PKHD1: variants seen among roughly 807,000 people sequenced by gnomAD.
PKHD1 encodes PKHD1 ciliary IPT domain containing fibrocystin/polyductin, also known as fibrocystin.
Under a neutral mutation model 412.0 loss-of-function variants are expected in PKHD1, and 291 were observed. That is an observed-to-expected ratio of 0.71 (90% confidence interval 0.64 to 0.78). The LOEUF (loss-of-function observed/expected upper bound fraction) is 0.78. Ranked by LOEUF, PKHD1 falls within the 30% of genes least tolerant of loss-of-function variation. The pLI is 0.00. For synonymous variants in PKHD1, 1,777 were observed against 1,821.5 expected (o/e 0.98, Z 0.62); for missense variants, 4,825 against 4,950.7 (o/e 0.97, Z 0.76).
chr6:52,045,166 T>A, intron 24 of PKHD1, 78 bp from the exon 25 acceptor site: 1 of 1,399,486 alleles, frequency 7.1e-7, no homozygotes, highest in Non-Finnish European at 1.0e-6. Context: ...TAAAGAGTTT[T>A]TTCACATTGT....
At chr6:51,757,732 T>G (rs1428192473) in intron 55 of PKHD1, among the ~76,000 whole-genome samples, 4 of 152,028 alleles carry the variant, frequency 2.6e-5, no homozygotes, top group African/African-American at 9.7e-5. Flanking sequence ...CCAGGTACAG[T>G]GCCTCTTGCC....
chr6:51,740,511 A>G (rs2150943118), intron 60 of PKHD1, among the ~76,000 whole-genome samples: 1 of 152,352 alleles, frequency 6.6e-6, no homozygotes, highest in East Asian at 1.9e-4. Context: ...CATTTGGAAT[A>G]AATATAAAAT....
chr6:52,033,152 C>T lies in PKHD1; in HGVS notation c.3242G>A (p.Arg1081His), dbSNP rs201123815. ...TCTGATCACAGTCACATTCACAATG[C>T]GTCCATCTTTCCCCTGAAAAATCAA... ...CKVPPRGKDG[R>H]IVNVTVIRGD... is the part of the protein sequence containing the mutation. Residue 1081 changes from arginine to histidine, a missense_variant, in exon 29 of 67, where the codon CGC becomes CAC. Transcript: ENST00000371117. 1.6e-5 allele frequency: 25 copies of T among 1,612,172 alleles called. No individual in the cohort carries two copies. Among genetic ancestry groups the T allele is most frequent in the African/African-American group, 8.0e-5 (6 of 74,864 alleles).
At chr6:51,889,573 G>T (rs748940665) in intron 43 of PKHD1, among the ~76,000 whole-genome samples, 2 of 152,084 alleles carry the variant, frequency 1.3e-5, no homozygotes, top group African/African-American at 2.4e-5. Flanking sequence ...ATTTTATCTG[G>T]CAGGCTTTAC....
intron 35 of PKHD1, among the ~76,000 whole-genome samples, chr6:51,974,088 G>C (rs1024149691): frequency 2.0e-5 from 3 of 152,114 alleles, no homozygotes; most frequent in African/African-American, 7.2e-5. Context: ...CATGAAAAAG[G>C]GGGCAAGCAA....
At chr6:51,859,222 T>A (rs1026184237) in intron 48 of PKHD1, among the ~76,000 whole-genome samples, 1 of 152,048 alleles carries the variant, frequency 6.6e-6, no homozygotes, top group Non-Finnish European at 1.5e-5. Flanking sequence ...CATACCACGT[T>A]GATCATTAAA....
At chr6:51,722,082 C>G in intron 60 of PKHD1, 3 of 1,612,392 alleles carry the variant, frequency 1.9e-6, no homozygotes, top group Non-Finnish European at 2.5e-6. Flanking sequence ...TGTCTCCACC[C>G]TTCTTTTCTT....
chr6:51,903,417 T>C, intron 43 of PKHD1, among the ~76,000 whole-genome samples, 180 bp downstream of exon 43: 1 of 151,966 alleles, frequency 6.6e-6, no homozygotes, highest in East Asian at 1.9e-4. Context: ...TGTTTTACAA[T>C]TTTTTTTCAG....
chr6:51,800,674 G>A (rs1046493446), intron 52 of PKHD1, among the ~76,000 whole-genome samples: 18 of 152,228 alleles, frequency 1.2e-4, no homozygotes, highest in African/African-American at 4.1e-4. Flanking sequence ...CAAGGGCAAA[G>A]GGCACAGATC....
At chr6:51,799,183 G>A (rs926612829) in intron 52 of PKHD1, among the ~76,000 whole-genome samples, 21 of 151,748 alleles carry the variant, frequency 1.4e-4, no homozygotes, top group African/African-American at 2.7e-4. Flanking sequence ...ACAAGCACAC[G>A]TGTGTACACA....
chr6:51,688,144 C>T (rs1012546423), intron 60 of PKHD1, among the ~76,000 whole-genome samples: 1 of 152,166 alleles, frequency 6.6e-6, no homozygotes, highest in African/African-American at 2.4e-5. Flanking sequence ...AGAAAGAGAT[C>T]TGTTTATTAA....
chr6:51,727,066 C>T (rs1396439112), intron 60 of PKHD1, among the ~76,000 whole-genome samples: 4 of 152,118 alleles, frequency 2.6e-5, no homozygotes, highest in Non-Finnish European at 5.9e-5. Context: ...TGAAGACAGC[C>T]GCAAGTCAGG....
At position 51,803,757 on chromosome 6, in the gene PKHD1, A is replaced by G. The variant is rs567254563; in HGVS notation, c.8303-12384T>C. ...GTTTCACTCTTGTCACCCAGGCTGG[A>G]GTGCAATGGTGCGATCTTGGCTCAC... On this transcript the variant is annotated intron_variant, in intron 52 of 66. Coordinates refer to ENST00000371117, the MANE Select transcript of PKHD1 (RefSeq NM_138694.4). Among the ~76,000 whole-genome samples the G allele has an allele frequency of 7.3e-5, 11 of 151,590 alleles. 1 individual carries two copies. Among genetic ancestry groups the G allele is most frequent in the African/African-American group, 2.7e-4 (11 of 40,930 alleles).
At chr6:51,739,175 T>TACATAC (rs919946647) in intron 60 of PKHD1, among the ~76,000 whole-genome samples, 3 of 149,208 alleles carry the variant, frequency 2.0e-5, no homozygotes, top group Non-Finnish European at 3.0e-5. Context: ...TCATGTTATA[T>TACATAC]ACATACACAT....
Position 51,659,185 on chromosome 6 carries a change from A to G in PKHD1, c.10941T>C (p.His3647=). Residue 3647 remains histidine, a synonymous_variant, in exon 61 of 67, where the codon CAT becomes CAC. Transcript: ENST00000371117. ...RRPLMMEMNS[H]RASPPMTVET... ...CCACAGTCATTGGGGGTGAAGCCCT[A>G]TGTGAGTTCATTTCCATCATGAGAG... 6.2e-7 allele frequency: 1 copy of G among 1,613,774 alleles called. No individual in the cohort carries two copies. Among genetic ancestry groups the G allele is most frequent in the Non-Finnish European group, 8.5e-7 (1 of 1,179,830 alleles).
At position 51,981,327 on chromosome 6, in the gene PKHD1, C is replaced by A. The variant is rs1219370105; in HGVS notation, c.5752-21301G>T. On this transcript the variant is annotated intron_variant, in intron 35 of 66. Transcript: ENST00000371117. Reference sequence around the variant, plus strand: ...AAGCTCAAGCTCTCCCTCTCCCTCTCCCTCTCCCTCTCCCTCTCCCTCTCC... The same window carrying A: ...AAGCTCAAGCTCTCCCTCTCCCTCTACCTCTCCCTCTCCCTCTCCCTCTCC... Among the ~76,000 whole-genome samples, 94 of 25,354 alleles carry A rather than the reference C, an allele frequency of 3.7e-3. 4 individuals are homozygous for A. Among genetic ancestry groups the A allele is most frequent in the African/African-American group, 9.8e-3 (94 of 9,550 alleles). 16.6% of individuals were successfully genotyped at this position (25,354 alleles called of 152,430 possible). A position where few individuals can be genotyped will look rare whatever the true frequency, so the allele number is the denominator to read the frequency against.
intron 3 of PKHD1, 89 bp from the exon 4 acceptor site, chr6:52,082,631 T>A: frequency 7.6e-7 from 1 of 1,307,244 alleles, no homozygotes; most frequent in South Asian, 1.2e-5. Flanking sequence ...GGGGGTAATG[T>A]AAGACATTAA....
rs1222270415 is a variant in PKHD1, at chr6:52,028,139, G to C, written c.3560+17C>G. 1 of 1,609,208 alleles carries C rather than the reference G, an allele frequency of 6.2e-7. No individual in the cohort carries two copies. Among genetic ancestry groups the C allele is most frequent in the East Asian group, 2.2e-5 (1 of 44,868 alleles). ...ACCATCAAACAAATCCAAAATTAATGCAAGTGGTCACCTCACCCTTGTGAG... is the reference window on the plus strand; with the variant it reads ...ACCATCAAACAAATCCAAAATTAATCCAAGTGGTCACCTCACCCTTGTGAG... On this transcript the variant is annotated intron_variant, in intron 30 of 66. Coordinates refer to ENST00000371117, the MANE Select transcript of PKHD1 (RefSeq NM_138694.4).
intron 52 of PKHD1, among the ~76,000 whole-genome samples, chr6:51,801,641 G>T (rs986174153): frequency 3.0e-5 from 3 of 100,044 alleles, no homozygotes; most frequent in African/African-American, 1.0e-4. Flanking sequence ...TGGCCTGATT[G>T]TGTGTGTGTG....
Sources: gnomAD v4.1 joint callset for allele counts (sites outside exome capture counted in the v4.1 genomes callset) on GRCh38, gnomAD v4.1.1 for gene constraint, MANE v1.5 for transcripts, NCBI Gene and HGNC (gene_info 2026-07-23, HGNC 2026-07-21) for gene names.